The following ADGRL3 variants were observed in gnomAD, a reference collection of about 807,000 sequenced individuals.
ADGRL3 encodes adhesion G protein-coupled receptor L3.
ADGRL3 carries 62 observed loss-of-function variants against 153.5 expected under a neutral mutation model. The observed-to-expected ratio is 0.40, with a 90% CI of 0.33 to 0.50. The LOEUF (loss-of-function observed/expected upper bound fraction) is 0.50. Among genes scored for constraint, ADGRL3 ranks in the 20% least tolerant of loss-of-function variants. ADGRL3 has a pLI of 0.47. For missense variants in ADGRL3, 1,641 were observed against 1,859.4 expected, an observed-to-expected ratio of 0.88 and a Z score of 2.16; for synonymous variants, 710 against 672.5, an observed-to-expected ratio of 1.06 and a Z score of -0.86.
At chr4:61,938,926 T>C (rs1386180727) in intron 15 of ADGRL3, among the ~76,000 whole-genome samples, 2 of 151,522 alleles carry the variant, frequency 1.3e-5, no homozygotes, top group Admixed American at 1.3e-4. Flanking sequence ...CTCAATTTTC[T>C]TTTCTTCCAC....
At chr4:61,496,194 A>T (rs1490501520) in intron 2 of ADGRL3, among the ~76,000 whole-genome samples, 1 of 118,358 alleles carries the variant, frequency 8.4e-6, no homozygotes, top group African/African-American at 3.0e-5. Flanking sequence ...TGAATATTGC[A>T]GCCTGAGATG....
At chr4:61,904,784 T>C (rs1391394212) in intron 11 of ADGRL3, among the ~76,000 whole-genome samples, 1 of 152,202 alleles carries the variant, frequency 6.6e-6, no homozygotes, top group Non-Finnish European at 1.5e-5. Context: ...CATCGATAGA[T>C]GTAATTAAAG....
intron 22 of ADGRL3, among the ~76,000 whole-genome samples, chr4:62,029,973 T>C (rs1318845501): frequency 6.6e-6 from 1 of 151,592 alleles, no homozygotes; most frequent in Non-Finnish European, 1.5e-5. Flanking sequence ...ACCTAAAATG[T>C]TTTGTAATTC....
intron 5 of ADGRL3, among the ~76,000 whole-genome samples, chr4:61,653,373 G>A (rs1263948188): frequency 1.3e-5 from 2 of 152,128 alleles, no homozygotes; most frequent in African/African-American, 4.8e-5. Flanking sequence ...ATTTTGTTAT[G>A]GCAGCCTGAA....
At chr4:61,215,541 A>ATTTTT (rs59691960) in intron 1 of ADGRL3, among the ~76,000 whole-genome samples, 3 of 73,664 alleles carry the variant, frequency 4.1e-5, no homozygotes, top group African/African-American at 5.1e-5. Flanking sequence ...CTATTATGGA[A>ATTTTT]TTTTTTTTTT....
intron 6 of ADGRL3, among the ~76,000 whole-genome samples, chr4:61,699,430 G>A (rs568668058): frequency 2.6e-5 from 4 of 152,220 alleles, no homozygotes; most frequent in South Asian, 2.1e-4. Flanking sequence ...TAGGCACTGA[G>A]CACAGCAGGA....
chr4:61,645,475 G>C (rs28889735), intron 5 of ADGRL3, among the ~76,000 whole-genome samples: 1 of 150,380 alleles, frequency 6.6e-6, no homozygotes, highest in African/African-American at 2.4e-5. Flanking sequence ...TTTTAGGGCA[G>C]GCCTGGTGGT....
At chr4:61,219,185 G>A (rs991804222) in intron 1 of ADGRL3, among the ~76,000 whole-genome samples, 5 of 152,170 alleles carry the variant, frequency 3.3e-5, no homozygotes, top group Admixed American at 1.3e-4. Context: ...ACTCTAATTA[G>A]ATTATAAGGA....
intron 9 of ADGRL3, among the ~76,000 whole-genome samples, chr4:61,858,081 A>G (rs1159348312): frequency 6.6e-6 from 1 of 152,178 alleles, no homozygotes. Context: ...GGGAAAAGAT[A>G]ATGTATTAAG....
At chr4:61,627,851 A>G (rs1270519424) in intron 5 of ADGRL3, among the ~76,000 whole-genome samples, 1 of 152,026 alleles carries the variant, frequency 6.6e-6, no homozygotes, top group Non-Finnish European at 1.5e-5. Flanking sequence ...ATATGAACAC[A>G]TTGCTTTGAA....
In ADGRL3 at chr4:61,732,813, G is replaced by A. The variant is rs758440011; in HGVS notation, c.658G>A (p.Asp220Asn). The A allele has an allele frequency of 3.7e-6, 6 of 1,607,360 alleles. No homozygotes were observed. Among genetic ancestry groups the A allele is most frequent in the South Asian group, 2.2e-5 (2 of 89,978 alleles). Residue 220 changes from aspartate (D) to asparagine (N), a missense_variant, in exon 8 of 27, where the codon GAC becomes AAC. Transcript: ENST00000683033. ...CCAGAGTGAACATTTGTTTGAGTCCGACCACCAATCTGGGGCGTGGTGCAA... is the reference window on the plus strand; with the variant it reads ...CCAGAGTGAACATTTGTTTGAGTCCAACCACCAATCTGGGGCGTGGTGCAA... ...VYQSEHLFES[D>N]HQSGAWCKDP...
intron 1 of ADGRL3, among the ~76,000 whole-genome samples, chr4:61,371,613 T>C (rs2096530722): frequency 6.6e-6 from 1 of 152,210 alleles, no homozygotes; most frequent in East Asian, 1.9e-4. Flanking sequence ...GTTAGTCTGA[T>C]GGGCTTCCCT....
At chr4:61,828,011 A>G (rs2097828227) in intron 9 of ADGRL3, among the ~76,000 whole-genome samples, 1 of 152,308 alleles carries the variant, frequency 6.6e-6, no homozygotes, top group Middle Eastern at 3.4e-3. Context: ...TTTATTTAGA[A>G]AAGTATTACT....
intron 2 of ADGRL3, among the ~76,000 whole-genome samples, chr4:61,437,932 C>T (rs2097472913): frequency 6.6e-6 from 1 of 152,178 alleles, no homozygotes; most frequent in Admixed American, 6.5e-5. Flanking sequence ...ACACTTTTCT[C>T]CAAATTCTTA....
At chr4:61,322,621 A>T (rs1477096811) in intron 1 of ADGRL3, among the ~76,000 whole-genome samples, 11 of 152,238 alleles carry the variant, frequency 7.2e-5, no homozygotes, top group Admixed American at 7.2e-4. Flanking sequence ...AAAATCCGGC[A>T]GGACAGTCAA....
intron 9 of ADGRL3, among the ~76,000 whole-genome samples, chr4:61,890,278 T>C (rs1378951824): frequency 1.3e-5 from 2 of 152,214 alleles, no homozygotes; most frequent in Admixed American, 6.5e-5. Context: ...CTGGCATTAT[T>C]TGAATTAAAG....
chr4:61,485,856 A>C (rs984103341), intron 2 of ADGRL3, among the ~76,000 whole-genome samples: 1 of 152,092 alleles, frequency 6.6e-6, no homozygotes, highest in Admixed American at 6.5e-5. Flanking sequence ...CTGTAGCTTA[A>C]TAGGATTTGG....
intron 15 of ADGRL3, among the ~76,000 whole-genome samples, chr4:61,941,297 G>A (rs1581563520): frequency 7.7e-6 from 1 of 129,256 alleles, no homozygotes; most frequent in African/African-American, 3.0e-5. Context: ...CTATATCTCT[G>A]TTTTGGTACC....
At chr4:61,280,542 T>C (rs1272824667) in intron 1 of ADGRL3, among the ~76,000 whole-genome samples, 4 of 152,176 alleles carry the variant, frequency 2.6e-5, no homozygotes, top group South Asian at 2.1e-4. Context: ...TAATAGAGAT[T>C]AAACATTAGA....
Sources: gnomAD v4.1 joint callset for allele counts (sites outside exome capture counted in the v4.1 genomes callset) on GRCh38, gnomAD v4.1.1 for gene constraint, MANE v1.5 for transcripts, NCBI Gene and HGNC (gene_info 2026-07-23, HGNC 2026-07-21) for gene names.